Variants in ADGRA2 observed in about 807,000 individuals in gnomAD.
ADGRA2 encodes the protein G-protein coupled receptor 124.
A neutral mutation model predicts 98.7 loss-of-function variants in ADGRA2; 61 were observed. The ratio of observed to expected loss-of-function variants is 0.62; its 90% CI spans 0.50 to 0.76. The LOEUF (loss-of-function observed/expected upper bound fraction) is 0.76, where lower values mean the gene tolerates loss of function less well. Among genes scored for constraint, ADGRA2 ranks in the 30% least tolerant of loss-of-function variants. The pLI, the probability that ADGRA2 is intolerant of heterozygous loss-of-function variation, is 0.00. For missense variants in ADGRA2, 1,712 were observed against 1,860.0 expected (o/e 0.92, Z 1.46); for synonymous variants, 858 against 831.5 (o/e 1.03, Z -0.55).
In ADGRA2 at chr8:37,835,348, C is replaced by T. The variant is rs1351988356; in HGVS notation, c.1783C>T (p.Arg595Cys). 5 of 1,613,062 alleles carry T rather than the reference C, an allele frequency of 3.1e-6. No homozygotes were observed. The highest frequency in any genetic ancestry group is 4.2e-6 in the Non-Finnish European group (5 of 1,179,974). ...CCCAGCTGACCAGCAGCTCCGCTTC[C>T]GCTGCACCACCGGGAGGCCCAATGT... ...EPPADQQLRF[R>C]CTTGRPNVSL... The change falls in exon 12 of 19, where the codon CGC (arginine) becomes TGC (cysteine). Residue 595 changes from arginine (R) to cysteine (C), a missense_variant. Transcript: ENST00000412232.
At position 37,836,092 on chromosome 8, in the gene ADGRA2, CA is replaced by C. The variant is rs879607854; in HGVS notation, c.2050+323del. Among the ~76,000 whole-genome samples, 802 of 135,378 alleles carry C rather than the reference CA, an allele frequency of 5.9e-3. 4 individuals carry two copies. Among genetic ancestry groups the C allele is most frequent in the Non-Finnish European group, 8.2e-3 (524 of 64,116 alleles). The allele number at this position is 135,378 out of a possible 152,430, so 88.8% of individuals were successfully genotyped here. A position where few individuals can be genotyped will look rare whatever the true frequency, so the allele number is the denominator to read the frequency against. Reference sequence around the variant, plus strand: ...ACACACACACACACACACACACACACACACACCCCACAGGCCCAATGCAGAC... The same window carrying C: ...ACACACACACACACACACACACACACCACACCCCACAGGCCCAATGCAGAC... On this transcript the variant is annotated intron_variant, in intron 13 of 18. Transcript: ENST00000412232.
chr8:37,816,593 A>AACACACACACAC (rs545433349), intron 2 of ADGRA2, among the ~76,000 whole-genome samples: 87 of 131,390 alleles, frequency 6.6e-4, no homozygotes, highest in African/African-American at 2.1e-3. Context: ...CTCCGTCTCA[A>AACACACACACAC]ACACACACAC....
At chr8:37,812,544 G>A (rs9774347) in intron 1 of ADGRA2, among the ~76,000 whole-genome samples, 3,657 of 152,238 alleles carry the variant, frequency 0.024, 160 homozygotes, top group African/African-American at 0.084. Flanking sequence ...GGAGAATGGC[G>A]TGAGCCCGGG....
chr8:37,815,289 C>CT (rs1245278971), intron 2 of ADGRA2, among the ~76,000 whole-genome samples: 1 of 152,264 alleles, frequency 6.6e-6, no homozygotes, highest in Non-Finnish European at 1.5e-5. Context: ...CCCCTCGCAG[C>CT]TGGGGGCCCA....
intron 2 of ADGRA2, among the ~76,000 whole-genome samples, chr8:37,824,144 G>T (rs1414230671): frequency 6.6e-6 from 1 of 152,028 alleles, no homozygotes; most frequent in Non-Finnish European, 1.5e-5. Context: ...TGATTCTCCT[G>T]CCTCTGCTTC....
At chr8:37,822,147 G>A (rs1172363073) in intron 2 of ADGRA2, among the ~76,000 whole-genome samples, 1 of 152,100 alleles carries the variant, frequency 6.6e-6, no homozygotes, top group African/African-American at 2.4e-5. Flanking sequence ...GAGGCACCTG[G>A]AGGATGGGAC....
In ADGRA2 at chr8:37,796,960, G is replaced by A. The variant is rs968830470; in HGVS notation, c.-309G>A. Reference sequence around the variant, plus strand: ...GCTAGGTCCCAGCCCAGCGCCCAGCGAGCAGGCGACGCGGAGGGGCCGGGC... The same window carrying A: ...GCTAGGTCCCAGCCCAGCGCCCAGCAAGCAGGCGACGCGGAGGGGCCGGGC... On this transcript the variant is annotated 5_prime_UTR_variant, in exon 1 of 19. Coordinates refer to ENST00000412232, the MANE Select transcript of ADGRA2 (RefSeq NM_032777.10). 1 of 157,696 alleles carries A rather than the reference G, an allele frequency of 6.3e-6. No individual in the cohort carries two copies. Among genetic ancestry groups the A allele is most frequent in the Non-Finnish European group, 1.4e-5 (1 of 71,690 alleles). 9.8% of individuals were successfully genotyped at this position (157,696 alleles called of 1,614,324 possible).
chr8:37,797,917 C>T lies in ADGRA2; in HGVS notation c.266+383C>T, dbSNP rs962447461. On this transcript the variant is annotated intron_variant, in intron 1 of 18. Coordinates refer to ENST00000412232, the MANE Select transcript of ADGRA2 (RefSeq NM_032777.10). This position sits in a 1 kb window ranked among gnomAD's most constrained non-coding sequence, Gnocchi z 5.3. ...GGAATGCTCAGGAAAGATCGACGCTCGTGGCCCAGGAGGGGGCTGTGGTCC... is the reference window on the plus strand; with the variant it reads ...GGAATGCTCAGGAAAGATCGACGCTTGTGGCCCAGGAGGGGGCTGTGGTCC... Among the ~76,000 whole-genome samples, 4 of 152,224 alleles carry T rather than the reference C, an allele frequency of 2.6e-5. No individual in the cohort carries two copies. The highest frequency in any genetic ancestry group is 7.2e-5 in the African/African-American group (3 of 41,466).
At position 37,830,024 on chromosome 8, in the gene ADGRA2, T is replaced by C. The variant is rs1585397077; in HGVS notation, c.718+10T>C. On this transcript the variant is annotated intron_variant, in intron 6 of 18. Coordinates refer to ENST00000412232, the MANE Select transcript of ADGRA2 (RefSeq NM_032777.10). This position sits in a 1 kb window ranked among gnomAD's most constrained non-coding sequence, Gnocchi z 4.8. ...GCCCAGCTCTGCTGCGGTGAGCAAG[T>C]CCCCCCAGCTACACATCTCCCAGGG... 1.3e-6 allele frequency: 2 copies of C among 1,507,498 alleles called. No individual in the cohort carries two copies. Among genetic ancestry groups the C allele is most frequent in the East Asian group, 2.4e-5 (1 of 41,062 alleles). 93.4% of individuals were successfully genotyped at this position (1,507,498 alleles called of 1,614,324 possible).
Position 37,841,616 on chromosome 8 carries a change from A to C in ADGRA2, c.3278A>C (p.His1093Pro), listed in dbSNP as rs1216485029. 6.5e-7 allele frequency: 1 copy of C among 1,547,834 alleles called. No individual in the cohort carries two copies. Among genetic ancestry groups the C allele is most frequent in the African/African-American group, 1.4e-5 (1 of 73,786 alleles). The part of the protein sequence containing the change: ...CCPPASPAAP[H>P]APPRALPAAA... Reference sequence around the variant, plus strand: ...CCCCCTGCCTCTCCCGCGGCCCCCCATGCCCCGCCCCGGGCCCTGCCCGCC... The same window carrying C: ...CCCCCTGCCTCTCCCGCGGCCCCCCCTGCCCCGCCCCGGGCCCTGCCCGCC... The change falls in exon 19 of 19, where the codon CAT becomes CCT. Residue 1093 changes from histidine (H) to proline (P), a missense_variant. His to Pro is a moderately conservative substitution (Grantham distance 77). Coordinates refer to ENST00000412232, the MANE Select transcript of ADGRA2 (RefSeq NM_032777.10). This position sits in a 1 kb window ranked among gnomAD's most constrained non-coding sequence, Gnocchi z 5.0.
At position 37,834,002 on chromosome 8, in the gene ADGRA2, G is replaced by A. The variant is rs768812340; in HGVS notation, c.1482G>A (p.Leu494=). The change falls in exon 11 of 19, where the codon CTG becomes CTA. Residue 494 remains leucine, a synonymous_variant. Coordinates refer to ENST00000412232, the MANE Select transcript of ADGRA2 (RefSeq NM_032777.10). This position sits in a 1 kb window ranked among gnomAD's most constrained non-coding sequence, Gnocchi z 4.2. The part of the protein sequence containing the change: ...VEVMVDMASN[L]MLVDEHLLWL... The stretch of plus-strand genomic sequence containing the variant: ...TGATGGTGGACATGGCCAGCAACCT[G>A]ATGCTGGTGGACGAGCACCTGCTGT... 6.2e-7 allele frequency: 1 copy of A among 1,613,178 alleles called. No homozygotes were observed. Among genetic ancestry groups the A allele is most frequent in the South Asian group, 1.1e-5 (1 of 91,058 alleles).
intron 13 of ADGRA2, among the ~76,000 whole-genome samples, chr8:37,837,029 A>AGG (rs2130043483): frequency 6.6e-6 from 1 of 152,334 alleles, no homozygotes; most frequent in African/African-American, 2.4e-5. Flanking sequence ...GGCAGTGGAC[A>AGG]AGTCGTTGTA....
chr8:37,812,909 G>T (rs1362754779), intron 1 of ADGRA2, among the ~76,000 whole-genome samples: 1 of 151,906 alleles, frequency 6.6e-6, no homozygotes, highest in Non-Finnish European at 1.5e-5. Flanking sequence ...AGCTGGTCTT[G>T]AACTCCTGGC....
In ADGRA2 at chr8:37,830,906, C is replaced by T; in HGVS notation, c.915C>T (p.Asp305=). Residue 305 remains aspartate (D), a synonymous_variant, in exon 7 of 19, where the codon GAC becomes GAT. Coordinates refer to ENST00000412232, the MANE Select transcript of ADGRA2 (RefSeq NM_032777.10). The surrounding 1 kb of genome is among the most constrained non-coding windows in gnomAD (Gnocchi z 4.8). The part of the protein sequence containing the change: ...GILLAESLIH[D]CTFITSELTL... ...TCCTGGCCGAGAGCCTCATCCACGA[C>T]TGCACCTTCATCACCAGGTATGAGC... The T allele has an allele frequency of 6.3e-7, 1 of 1,579,730 alleles. No individual in the cohort carries two copies. Among genetic ancestry groups the T allele is most frequent in the South Asian group, 1.2e-5 (1 of 86,608 alleles).
At chr8:37,800,108 C>T (rs1804457644) in intron 1 of ADGRA2, among the ~76,000 whole-genome samples, 1 of 152,282 alleles carries the variant, frequency 6.6e-6, no homozygotes, top group South Asian at 2.1e-4. Context: ...GATCTGTCTC[C>T]TCCCCATCAG....
chr8:37,802,961 A>G lies in ADGRA2; in HGVS notation c.266+5427A>G, dbSNP rs906240073. Among the ~76,000 whole-genome samples the G allele has an allele frequency of 1.3e-5, 2 of 152,118 alleles. No individual in the cohort carries two copies. The highest frequency in any genetic ancestry group is 4.8e-5 in the African/African-American group (2 of 41,412). ...TTACTCCTGCATGTGCATGAACCCA[A>G]CCACTCCTGAAGCCACCGAAGTCCC... On this transcript the variant is annotated intron_variant, in intron 1 of 18. Coordinates refer to ENST00000412232, the MANE Select transcript of ADGRA2 (RefSeq NM_032777.10). This position sits in a 1 kb window ranked among gnomAD's most constrained non-coding sequence, Gnocchi z 4.7.
chr8:37,840,947 C>A, intron 18 of ADGRA2, 98 bp downstream of exon 18: 2 of 1,016,878 alleles, frequency 2.0e-6, no homozygotes, highest in Non-Finnish European at 2.8e-6. Context: ...CCAGCCATAA[C>A]CCAACCCAAG....
Position 37,839,110 on chromosome 8 carries a change from G to C in ADGRA2, c.2387+27G>C, listed in dbSNP as rs369803943. On this transcript the variant is annotated intron_variant, in intron 15 of 18. Coordinates refer to ENST00000412232, the MANE Select transcript of ADGRA2 (RefSeq NM_032777.10). The stretch of plus-strand genomic sequence containing the variant: ...TGGGTGCTCCTGCAGGAGGGAGGGC[G>C]TGGTGGGCAGGCATGGAAGGGGCCC... 2.5e-6 allele frequency: 4 copies of C among 1,606,566 alleles called. No homozygotes were observed. In the South Asian group the frequency reaches 4.5e-5, roughly 18 times the overall value.
At chr8:37,799,239 G>A (rs7830319) in intron 1 of ADGRA2, among the ~76,000 whole-genome samples, 39,725 of 151,956 alleles carry the variant, frequency 0.26, 5,653 homozygotes, top group East Asian at 0.4. Context: ...GCCAGGCGTG[G>A]TAGCGCGCGC....
Sources: gnomAD v4.1 joint callset for allele counts (sites outside exome capture counted in the v4.1 genomes callset) on GRCh38, gnomAD v4.1.1 for gene constraint, Gnocchi (gnomAD v3.1) non-coding constraint, MANE v1.5 for transcripts, NCBI Gene and HGNC (gene_info 2026-07-23, HGNC 2026-07-21) for gene names.